RNGTT: variants seen among roughly 807,000 people sequenced by gnomAD.
The protein encoded by RNGTT is mRNA-capping enzyme.
A neutral mutation model predicts 79.3 loss-of-function variants in RNGTT; 33 were observed. The ratio of observed to expected loss-of-function variants is 0.42; its 90% CI spans 0.32 to 0.56. The LOEUF is 0.56. Ranked by LOEUF, RNGTT falls within the 20% of genes least tolerant of loss-of-function variation. The pLI, the probability that RNGTT is intolerant of heterozygous loss-of-function variation, is 0.17. For missense variants in RNGTT, 497 were observed against 739.1 expected (o/e 0.67, Z 3.80); for synonymous variants, 222 against 235.9 (o/e 0.94, Z 0.54).
chr6:88,868,287 A>G (rs531163271), intron 8 of RNGTT, among the ~76,000 whole-genome samples: 1 of 152,330 alleles, frequency 6.6e-6, no homozygotes, highest in East Asian at 1.9e-4. Context: ...GAACAATTCA[A>G]GGAGTGGGAG....
chr6:88,815,588 G>GT (rs1427032324), intron 11 of RNGTT, among the ~76,000 whole-genome samples: 1 of 152,174 alleles, frequency 6.6e-6, no homozygotes, highest in Non-Finnish European at 1.5e-5. Flanking sequence ...TTTTGTCACT[G>GT]TATTTCTCTA....
At chr6:88,833,289 C>G (rs763198337) in intron 11 of RNGTT, among the ~76,000 whole-genome samples, 60 of 152,098 alleles carry the variant, frequency 3.9e-4, no homozygotes, top group Non-Finnish European at 7.8e-4. Flanking sequence ...ATGGATGAAG[C>G]TGAAAACCAT....
At chr6:88,962,536 G>A (rs1562096828) in intron 1 of RNGTT, among the ~76,000 whole-genome samples, 1 of 152,038 alleles carries the variant, frequency 6.6e-6, no homozygotes, top group Non-Finnish European at 1.5e-5. Flanking sequence ...ACTTTGGGAG[G>A]CCGAGGCGGG....
intron 8 of RNGTT, among the ~76,000 whole-genome samples, chr6:88,872,531 T>C (rs1316129635): frequency 1.3e-5 from 2 of 152,150 alleles, no homozygotes; most frequent in South Asian, 2.1e-4. Context: ...TAGAGTATCA[T>C]TGGATTGCTT....
intron 13 of RNGTT, among the ~76,000 whole-genome samples, chr6:88,723,686 A>G (rs1236803489): frequency 6.6e-6 from 1 of 152,196 alleles, no homozygotes; most frequent in Non-Finnish European, 1.5e-5. Flanking sequence ...GGATATCAAG[A>G]AAGAAAATAT....
At chr6:88,862,000 T>C (rs752191245) in intron 8 of RNGTT, among the ~76,000 whole-genome samples, 5 of 152,162 alleles carry the variant, frequency 3.3e-5, no homozygotes, top group African/African-American at 4.8e-5. Flanking sequence ...TATAATTCCA[T>C]AGAAATACAA....
intron 11 of RNGTT, among the ~76,000 whole-genome samples, chr6:88,839,587 AT>A (rs1286299165): frequency 6.6e-6 from 1 of 152,138 alleles, no homozygotes; most frequent in East Asian, 1.9e-4. Flanking sequence ...AGAAAAAAAA[AT>A]CATCACTTTA....
chr6:88,834,193 T>C (rs999399442), intron 11 of RNGTT, among the ~76,000 whole-genome samples: 2 of 151,960 alleles, frequency 1.3e-5, no homozygotes, highest in Non-Finnish European at 2.9e-5. Context: ...TTCAAATATA[T>C]ATGGCATGAG....
chr6:88,796,164 A>G (rs538665226), intron 12 of RNGTT, among the ~76,000 whole-genome samples: 76 of 152,328 alleles, frequency 5.0e-4, no homozygotes, highest in Middle Eastern at 3.4e-3. Context: ...TGTTGAAATG[A>G]TAATACTTTT....
intron 13 of RNGTT, among the ~76,000 whole-genome samples, chr6:88,710,497 C>T (rs7759650): frequency 0.27 from 40,479 of 152,060 alleles, 9,432 homozygotes; most frequent in African/African-American, 0.63. Context: ...TAGATTTTAA[C>T]TGTCCTTCAG....
chr6:88,909,874 C>T (rs911340130), intron 4 of RNGTT, among the ~76,000 whole-genome samples: 1 of 152,010 alleles, frequency 6.6e-6, no homozygotes, highest in Non-Finnish European at 1.5e-5. Flanking sequence ...GGAACTCATA[C>T]AGAGCCTTGG....
intron 14 of RNGTT, 123 bp downstream of exon 14, chr6:88,678,230 G>A (rs1038962432): frequency 5.9e-5 from 82 of 1,401,560 alleles, no homozygotes; most frequent in Non-Finnish European, 7.2e-5. Context: ...TGATCCACCT[G>A]TCTTAGCCTC....
At chr6:88,619,755 T>C (rs1391684783) in intron 14 of RNGTT, among the ~76,000 whole-genome samples, 1 of 152,236 alleles carries the variant, frequency 6.6e-6, no homozygotes, top group Non-Finnish European at 1.5e-5. Context: ...AAGGTGGATT[T>C]TTTAAACATA....
chr6:88,757,158 G>T (rs1311098403), intron 13 of RNGTT, among the ~76,000 whole-genome samples: 1 of 152,102 alleles, frequency 6.6e-6, no homozygotes, highest in Non-Finnish European at 1.5e-5. Flanking sequence ...TATTTGCTAT[G>T]TCCGAAAACC....
chr6:88,654,107 G>C (rs925300247), intron 14 of RNGTT, among the ~76,000 whole-genome samples: 10 of 152,030 alleles, frequency 6.6e-5, no homozygotes, highest in Non-Finnish European at 1.5e-4. Flanking sequence ...AGGGTTGCTC[G>C]ACACTCAGCA....
rs553085556 is a variant in RNGTT, at chr6:88,691,761, G to A, written c.1440-13342C>T. 4.1e-4 allele frequency among the ~76,000 whole-genome samples: 63 copies of A among 152,054 alleles called. No individual in the cohort carries two copies. In the Middle Eastern group the frequency reaches 0.017, roughly 41 times the overall value. ...GGTATTGTATTTCATAATATAAAAG[G>A]TTGTAATACATAATACAAAAAGCAC... On this transcript the variant is annotated intron_variant, in intron 13 of 15. Coordinates refer to ENST00000369485, the MANE Select transcript of RNGTT (RefSeq NM_003800.5).
chr6:88,654,226 T>A (rs764228582), intron 14 of RNGTT, among the ~76,000 whole-genome samples: 3 of 152,212 alleles, frequency 2.0e-5, no homozygotes, highest in African/African-American at 4.8e-5. Context: ...TTGAAGCTAT[T>A]TTCAACAAAG....
intron 13 of RNGTT, among the ~76,000 whole-genome samples, chr6:88,762,069 G>A (rs1449677652): frequency 6.6e-6 from 1 of 152,128 alleles, no homozygotes; most frequent in Non-Finnish European, 1.5e-5. Flanking sequence ...GAATTGCCAG[G>A]AACCCAAAAT....
chr6:88,944,628 T>A (rs1784948370), intron 1 of RNGTT, among the ~76,000 whole-genome samples: 1 of 150,926 alleles, frequency 6.6e-6, no homozygotes, highest in African/African-American at 2.4e-5. Flanking sequence ...AGCCCTAAAC[T>A]CTCCCTTATC....
Sources: gnomAD v4.1 joint callset for allele counts (sites outside exome capture counted in the v4.1 genomes callset) on GRCh38, gnomAD v4.1.1 for gene constraint, MANE v1.5 for transcripts, NCBI Gene and HGNC (gene_info 2026-07-23, HGNC 2026-07-21) for gene names.